The following SEPTIN2 variants were observed in gnomAD, a reference collection of about 807,000 sequenced individuals.
The protein encoded by SEPTIN2 is septin-2.
Under a neutral mutation model 46.5 loss-of-function variants are expected in SEPTIN2, and 34 were observed. The ratio of observed to expected loss-of-function variants is 0.73; its 90% CI spans 0.56 to 0.97. SEPTIN2 has a LOEUF of 0.97. Among genes scored for constraint, SEPTIN2 ranks in the 50% least tolerant of loss-of-function variants. The pLI, the probability that SEPTIN2 is intolerant of heterozygous loss-of-function variation, is 0.00. For synonymous variants in SEPTIN2, 175 were observed against 153.4 expected (o/e 1.14, Z -1.04); for missense variants, 347 against 448.4 (o/e 0.77, Z 2.04).
chr2:241,338,645 ATATT>A (rs1376169728), intron 7 of SEPTIN2, among the ~76,000 whole-genome samples: 4 of 129,870 alleles, frequency 3.1e-5, no homozygotes, highest in Admixed American at 9.5e-5. Flanking sequence ...TATATAATAT[ATATT>A]ACATATATAT....
chr2:241,332,112 A>C (rs1328702496), intron 3 of SEPTIN2, among the ~76,000 whole-genome samples: 1 of 152,224 alleles, frequency 6.6e-6, no homozygotes, highest in Non-Finnish European at 1.5e-5. Flanking sequence ...ACTACAAGAA[A>C]ATGGGCAAAA....
intron 7 of SEPTIN2, 68 bp downstream of exon 7, chr2:241,337,858 T>G (rs1363660054): frequency 1.8e-6 from 2 of 1,113,472 alleles, no homozygotes; most frequent in Non-Finnish European, 2.7e-6. Flanking sequence ...AAGAAAGGAG[T>G]GTGTTCCCAC....
chr2:241,324,200 GT>G lies in SEPTIN2; in HGVS notation c.-17-6del, dbSNP rs140488346. ...TATGTGCGTTTATGTGTGTCTGTGT[GT>G]TTTTTTTTTAACAGACGAAGCTTCA... On this transcript the variant is annotated splice_polypyrimidine_tract_variant and intron_variant, in intron 1 of 12. Coordinates refer to ENST00000391971, the MANE Select transcript of SEPTIN2 (RefSeq NM_004404.5). The G allele has an allele frequency of 9.5e-4, 1,323 of 1,396,800 alleles. No homozygotes were observed. The highest frequency in any genetic ancestry group is 2.4e-3 in the Admixed American group (127 of 52,122). 86.5% of individuals were successfully genotyped at this position (1,396,800 alleles called of 1,614,324 possible). A position where few individuals can be genotyped will look rare whatever the true frequency, so the allele number is the denominator to read the frequency against.
intron 1 of SEPTIN2, chr2:241,320,268 A>G: frequency 2.1e-6 from 1 of 471,154 alleles, no homozygotes; most frequent in Non-Finnish European, 4.4e-6. Context: ...TCTAACGTCA[A>G]GTCTTGGTCC....
chr2:241,334,756 C>T (rs1191341152), intron 3 of SEPTIN2, among the ~76,000 whole-genome samples: 1 of 152,200 alleles, frequency 6.6e-6, no homozygotes, highest in Non-Finnish European at 1.5e-5. Flanking sequence ...AGTTTAGTGA[C>T]TAGCAGAACT....
chr2:241,335,869 T>TA (rs1260897686), intron 4 of SEPTIN2, 106 bp from the exon 5 acceptor site: 4 of 1,424,292 alleles, frequency 2.8e-6, no homozygotes, highest in Non-Finnish European at 4.0e-6. Flanking sequence ...TTGGAGAACC[T>TA]ACCTCTGTAG....
chr2:241,323,192 A>G (rs1477537535), intron 1 of SEPTIN2, among the ~76,000 whole-genome samples: 1 of 143,990 alleles, frequency 6.9e-6, no homozygotes, highest in Non-Finnish European at 1.5e-5. Context: ...TTTTTTTTTA[A>G]TGGAGTCTCA....
intron 7 of SEPTIN2, among the ~76,000 whole-genome samples, chr2:241,339,970 A>T (rs1317269834): frequency 6.6e-6 from 1 of 152,218 alleles, no homozygotes; most frequent in Non-Finnish European, 1.5e-5. Context: ...GGCACATAAT[A>T]GATTTGTTGC....
chr2:241,321,109 GACTTCAA>G (rs1270752042), intron 1 of SEPTIN2, among the ~76,000 whole-genome samples: 1 of 152,040 alleles, frequency 6.6e-6, no homozygotes, highest in Non-Finnish European at 1.5e-5. Context: ...GTAGATACAT[GACTTCAA>G]ACATTTTTTA....
At chr2:241,320,977 A>T (rs1361626943) in intron 1 of SEPTIN2, among the ~76,000 whole-genome samples, 1 of 152,180 alleles carries the variant, frequency 6.6e-6, no homozygotes, top group Non-Finnish European at 1.5e-5. Flanking sequence ...GGGGATATCC[A>T]GTAATGTAAC....
chr2:241,350,358 CAG>C (rs1326336318), intron 12 of SEPTIN2, among the ~76,000 whole-genome samples, 155 bp downstream of exon 12: 1 of 152,168 alleles, frequency 6.6e-6, no homozygotes, highest in Admixed American at 6.5e-5. Flanking sequence ...TCCTGAAAAA[CAG>C]AAGCCACTAC....
chr2:241,333,025 T>C (rs1319608254), intron 3 of SEPTIN2, among the ~76,000 whole-genome samples: 2 of 152,212 alleles, frequency 1.3e-5, no homozygotes, highest in Non-Finnish European at 2.9e-5. Context: ...AATCTTTATC[T>C]TGAGTGGAGT....
chr2:241,315,931 G>A lies in SEPTIN2; in HGVS notation c.-69G>A, dbSNP rs1325685085. Reference sequence around the variant, plus strand: ...GGGCTGTGAGCGGACCGCGAGCGCTGGGCGGGTCCGCGGCGCGGTCGGTCG... The same window carrying A: ...GGGCTGTGAGCGGACCGCGAGCGCTAGGCGGGTCCGCGGCGCGGTCGGTCG... On this transcript the variant is annotated 5_prime_UTR_variant, in exon 1 of 13. Coordinates refer to ENST00000391971, the MANE Select transcript of SEPTIN2 (RefSeq NM_004404.5). The A allele has an allele frequency of 6.6e-6, 1 of 152,298 alleles. No homozygotes were observed. Among genetic ancestry groups the A allele is most frequent in the Non-Finnish European group, 1.5e-5 (1 of 68,168 alleles). 9.4% of individuals were successfully genotyped at this position (152,298 alleles called of 1,614,324 possible).
chr2:241,321,872 C>T (rs2077183569), intron 1 of SEPTIN2, among the ~76,000 whole-genome samples: 1 of 151,928 alleles, frequency 6.6e-6, no homozygotes, highest in African/African-American at 2.4e-5. Context: ...TATTTGAAAA[C>T]GAGATGCCAA....
intron 3 of SEPTIN2, among the ~76,000 whole-genome samples, chr2:241,331,959 G>C (rs1321103378): frequency 1.3e-5 from 2 of 152,158 alleles, no homozygotes; most frequent in East Asian, 3.8e-4. Context: ...AAAAAGCCAA[G>C]TTGATTCAGT....
At chr2:241,337,236 A>C (rs549803470) in intron 5 of SEPTIN2, 146 bp from the exon 6 acceptor site, 1 of 775,732 alleles carries the variant, frequency 1.3e-6, no homozygotes, top group African/African-American at 1.8e-5. Context: ...CCATTTGCCA[A>C]ATCTAAAAGT....
intron 9 of SEPTIN2, among the ~76,000 whole-genome samples, chr2:241,345,639 G>A (rs1174924766): frequency 6.6e-6 from 1 of 152,190 alleles, no homozygotes; most frequent in Non-Finnish European, 1.5e-5. Flanking sequence ...ATGAATGGAA[G>A]GTTAAGTTGC....
intron 2 of SEPTIN2, among the ~76,000 whole-genome samples, chr2:241,325,518 A>G (rs972525109): frequency 6.6e-6 from 1 of 152,114 alleles, no homozygotes; most frequent in African/African-American, 2.4e-5. Context: ...TTTTTCCTCG[A>G]TACTTTTCAG....
chr2:241,318,830 TG>T (rs1386317451), intron 1 of SEPTIN2, among the ~76,000 whole-genome samples: 6 of 151,936 alleles, frequency 3.9e-5, no homozygotes, highest in Admixed American at 6.6e-5. Context: ...CCTGGGTAGC[TG>T]GGATTACAGG....
Sources: gnomAD v4.1 joint callset for allele counts (sites outside exome capture counted in the v4.1 genomes callset) on GRCh38, gnomAD v4.1.1 for gene constraint, MANE v1.5 for transcripts, NCBI Gene and HGNC (gene_info 2026-07-23, HGNC 2026-07-21) for gene names.